The following CSNK2A2 variants were observed in gnomAD, a reference collection of about 807,000 sequenced individuals.
The protein encoded by CSNK2A2 is casein kinase II subunit alpha'.
In CSNK2A2, 8 loss-of-function variants were observed where a neutral mutation model predicts 54.0. That is an observed-to-expected ratio of 0.15 (90% CI 0.09 to 0.27). The LOEUF is 0.27. Among genes scored for constraint, CSNK2A2 ranks in the 10% least tolerant of loss-of-function variants. The pLI is 1.00. For synonymous variants in CSNK2A2, 141 were observed against 153.9 expected (o/e 0.92, Z 0.62); for missense variants, 242 against 439.4 (o/e 0.55, Z 4.02).
intron 4 of CSNK2A2, among the ~76,000 whole-genome samples, chr16:58,175,969 C>T (rs1961867767): frequency 6.6e-6 from 1 of 152,184 alleles, no homozygotes; most frequent in African/African-American, 2.4e-5. Context: ...AGCTACATAA[C>T]ACACACCCAA....
chr16:58,166,675 T>C lies in CSNK2A2; in HGVS notation c.736A>G (p.Ile246Val), dbSNP rs1367136506. 6.2e-7 allele frequency: 1 copy of C among 1,613,288 alleles called. No homozygotes were observed. Among genetic ancestry groups the C allele is most frequent in the East Asian group, 2.2e-5 (1 of 44,876 alleles). ...TCTTCTGTACCCAGAACCTTGGCAA[T>C]GCGAACAAGCTGAAACACAAAACAA... is the stretch of plus-strand genomic sequence containing the variant. Reference protein sequence around the residue: ...GQDNYDQLVRIAKVLGTEELY... With the variant: ...GQDNYDQLVRVAKVLGTEELY... The change falls in exon 9 of 12, where the codon ATT becomes GTT. Residue 246 changes from isoleucine (I) to valine (V), a missense_variant. Physicochemically the swap from Ile to Val is conservative, Grantham distance 29. This residue lies in a region of CSNK2A2 where 81 missense variants were observed against 135.0 expected (regional missense o/e 0.60). Transcript: ENST00000262506.
In CSNK2A2 at chr16:58,185,496, C is replaced by A. The variant is rs533544817; in HGVS notation, c.319-1186G>T. ...TCTGCTAACTTAAAAAAAGAAAAAG[C>A]AAAACAAAAATGCTCCTGGTATACC... is the stretch of plus-strand genomic sequence containing the variant. On this transcript the variant is annotated intron_variant, in intron 3 of 11. Coordinates refer to ENST00000262506, the MANE Select transcript of CSNK2A2 (RefSeq NM_001896.4). Among the ~76,000 whole-genome samples, 4 of 152,130 alleles carry A rather than the reference C, an allele frequency of 2.6e-5. No homozygotes were observed. In the East Asian group the frequency reaches 5.8e-4, roughly 22 times the overall value.
intron 4 of CSNK2A2, among the ~76,000 whole-genome samples, chr16:58,183,636 T>G (rs1962121265): frequency 6.6e-6 from 1 of 152,194 alleles, no homozygotes; most frequent in Admixed American, 6.5e-5. Context: ...ATGTCTAGTA[T>G]GCCTAACCCC....
intron 2 of CSNK2A2, among the ~76,000 whole-genome samples, chr16:58,189,018 G>A (rs896515891): frequency 6.1e-5 from 9 of 146,818 alleles, no homozygotes; most frequent in South Asian, 2.2e-4. Context: ...GCACAGTGGC[G>A]CAATCTCAGC....
intron 11 of CSNK2A2, chr16:58,159,948 G>A (rs995375743): frequency 1.3e-5 from 2 of 152,074 alleles, no homozygotes; most frequent in African/African-American, 4.8e-5. Flanking sequence ...ATGCAGTTCA[G>A]GGTTAAGTAT....
At position 58,163,569 on chromosome 16, in the gene CSNK2A2, T is replaced by TA. The variant is rs113991704; in HGVS notation, c.*17+484dup. On this transcript the variant is annotated intron_variant, in intron 11 of 11. Coordinates refer to ENST00000262506, the MANE Select transcript of CSNK2A2 (RefSeq NM_001896.4). ...ATAAAACGTGGATTTGTAAAGAGCTTAAAAAAAAAATACTGTCACTGTTTT... is the reference window on the plus strand; with the variant it reads ...ATAAAACGTGGATTTGTAAAGAGCTTAAAAAAAAAAATACTGTCACTGTTTT... The TA allele has an allele frequency of 6.8e-3, 1,023 of 149,870 alleles. 11 individuals carry two copies. The highest frequency in any genetic ancestry group is 0.022 in the Admixed American group (331 of 15,006). 9.3% of individuals were successfully genotyped at this position (149,870 alleles called of 1,614,324 possible).
In CSNK2A2 at chr16:58,158,182, G is replaced by C. The variant is rs1402560289; in HGVS notation, c.*189C>G. 2 of 152,652 alleles carry C rather than the reference G, an allele frequency of 1.3e-5. No homozygotes were observed. The highest frequency in any genetic ancestry group is 2.1e-4 in the South Asian group (1 of 4,830). The allele number at this position is 152,652 out of a possible 1,614,324, so 9.5% of individuals were successfully genotyped here. On this transcript the variant is annotated 3_prime_UTR_variant, in exon 12 of 12. Coordinates refer to ENST00000262506, the MANE Select transcript of CSNK2A2 (RefSeq NM_001896.4). ...AAGGCAAGTGAGCCTTTTACATTCG[G>C]AAGTGAGGTTTGATATACGGTGGTG... is the stretch of plus-strand genomic sequence containing the variant.
chr16:58,185,507 T>A (rs1198890780), intron 3 of CSNK2A2, among the ~76,000 whole-genome samples: 1 of 152,228 alleles, frequency 6.6e-6, no homozygotes, highest in Non-Finnish European at 1.5e-5. Flanking sequence ...AAAACAAAAA[T>A]GCTCCTGGTA....
chr16:58,182,725 G>C (rs184052676), intron 4 of CSNK2A2, among the ~76,000 whole-genome samples: 1 of 152,160 alleles, frequency 6.6e-6, no homozygotes, highest in Non-Finnish European at 1.5e-5. Flanking sequence ...GAAAATATTT[G>C]GTTTCATTAA....
intron 4 of CSNK2A2, among the ~76,000 whole-genome samples, chr16:58,179,168 C>G (rs1486911985): frequency 6.6e-6 from 1 of 152,068 alleles, no homozygotes; most frequent in Non-Finnish European, 1.5e-5. Context: ...ATGTCTGCAA[C>G]TTAATTTAAA....
chr16:58,171,980 T>TATATATATATATATATA (rs1555505772), intron 5 of CSNK2A2, among the ~76,000 whole-genome samples: 25 of 37,052 alleles, frequency 6.7e-4, no homozygotes, highest in African/African-American at 3.0e-3. Flanking sequence ...TATATATATA[T>TATATATATATATATATA]TTTTTTTTTT....
intron 6 of CSNK2A2, 27 bp from the exon 7 acceptor site, chr16:58,167,822 T>G (rs754517327): frequency 6.4e-7 from 1 of 1,572,516 alleles, no homozygotes; most frequent in South Asian, 1.1e-5. Context: ...AAAAAACATG[T>G]GAAAGGAGTG....
intron 2 of CSNK2A2, among the ~76,000 whole-genome samples, chr16:58,191,939 G>C (rs1350680112): frequency 2.6e-5 from 4 of 152,170 alleles, no homozygotes; most frequent in Non-Finnish European, 5.9e-5. Context: ...GTAACTGTTT[G>C]ACGTCACAGA....
chr16:58,187,961 A>G (rs1157869964), intron 2 of CSNK2A2, among the ~76,000 whole-genome samples: 2 of 152,192 alleles, frequency 1.3e-5, no homozygotes, highest in Admixed American at 1.3e-4. Context: ...AGACACTGTT[A>G]TAATAGCAGA....
chr16:58,163,824 A>T (rs1279544481), intron 11 of CSNK2A2: 2 of 393,334 alleles, frequency 5.1e-6, no homozygotes, highest in African/African-American at 4.1e-5. Flanking sequence ...TTCCAAAGGC[A>T]GAGCTCCTTC....
At chr16:58,169,556 CCAGACTT>C (rs1170113113) in intron 5 of CSNK2A2, among the ~76,000 whole-genome samples, 4 of 151,530 alleles carry the variant, frequency 2.6e-5, no homozygotes, top group Admixed American at 6.6e-5. Context: ...GGATGATAAA[CCAGACTT>C]TGGAACCTCA....
chr16:58,161,537 AG>A (rs1404383061), intron 11 of CSNK2A2: 2 of 106,940 alleles, frequency 1.9e-5, no homozygotes, highest in Admixed American at 2.4e-4. Flanking sequence ...ACACACACAC[AG>A]ACACACACAC....
chr16:58,194,795 T>C (rs1419732683), intron 2 of CSNK2A2, among the ~76,000 whole-genome samples: 1 of 152,196 alleles, frequency 6.6e-6, no homozygotes, highest in African/African-American at 2.4e-5. Context: ...TTTCCTAACA[T>C]ACGCCAAGAA....
chr16:58,195,766 C>T (rs1002401883), intron 2 of CSNK2A2, among the ~76,000 whole-genome samples: 3 of 152,158 alleles, frequency 2.0e-5, no homozygotes, highest in African/African-American at 4.8e-5. Context: ...AAAGAGATAA[C>T]GTCATATCAT....
Sources: allele counts gnomAD v4.1 joint callset (sites outside exome capture counted in the v4.1 genomes callset), GRCh38; gene constraint gnomAD v4.1.1; regional missense constraint gnomAD v4.1.1; transcripts MANE v1.5; gene names NCBI Gene and HGNC (gene_info 2026-07-23, HGNC 2026-07-21).